The following REV1 variants were observed in gnomAD, a reference collection of about 807,000 sequenced individuals.
REV1 encodes the protein translesion synthesis protein REV1.
In REV1, 42 loss-of-function variants were observed where a neutral mutation model predicts 137.4. That is an observed-to-expected ratio of 0.31 (90% CI 0.24 to 0.40). REV1 has a LOEUF of 0.40. REV1 is among the 10% of genes least tolerant of loss of function. The pLI is 1.00. For missense variants in REV1, 1,282 were observed against 1,490.1 expected (o/e 0.86, Z 2.30); for synonymous variants, 524 against 519.2 (o/e 1.01, Z -0.12).
intron 12 of REV1, among the ~76,000 whole-genome samples, chr2:99,413,843 A>C (rs917694005): frequency 6.6e-5 from 10 of 152,348 alleles, no homozygotes; most frequent in African/African-American, 2.4e-4. Context: ...AGGAAAAGAC[A>C]GCGTTGTGTT....
chr2:99,419,261 G>C (rs1402281486), intron 11 of REV1, among the ~76,000 whole-genome samples: 1 of 143,158 alleles, frequency 7.0e-6, no homozygotes, highest in Non-Finnish European at 1.5e-5. Flanking sequence ...GCCCAAGCTG[G>C]AGTGTAGTGG....
At chr2:99,465,691 T>C (rs113923517) in intron 1 of REV1, among the ~76,000 whole-genome samples, 3 of 152,336 alleles carry the variant, frequency 2.0e-5, no homozygotes, top group African/African-American at 7.2e-5. Flanking sequence ...CAAAGCCTTT[T>C]AACACAAACA....
chr2:99,426,636 G>T (rs1343589368), intron 9 of REV1, among the ~76,000 whole-genome samples: 6 of 152,060 alleles, frequency 3.9e-5, no homozygotes, highest in Non-Finnish European at 8.8e-5. Flanking sequence ...TTGATGGCTG[G>T]GAAATGAGCT....
chr2:99,421,504 C>A lies in REV1; in HGVS notation c.1826G>T (p.Gly609Val). The A allele has an allele frequency of 6.2e-7, 1 of 1,613,390 alleles. No individual in the cohort carries two copies. The highest frequency in any genetic ancestry group is 1.1e-5 in the South Asian group (1 of 90,974). The change falls in exon 11 of 23, where the codon GGA (glycine) becomes GTA (valine). Residue 609 changes from glycine to valine, a missense_variant. Physicochemically the swap from Gly to Val is moderately radical, Grantham distance 109. Around this residue, in one of 7 missense-constraint regions of REV1, gnomAD observed 372 missense variants for 482.3 expected, o/e 0.77. Coordinates refer to ENST00000258428, the MANE Select transcript of REV1 (RefSeq NM_016316.4). ...KDQTKCAASV[G>V]IGSNILLARM... ...AAGATAAGCTAGATACTAACCAATTCCAACAGAGGCAGCACATTTCGTCTG... is the reference window on the plus strand; with the variant it reads ...AAGATAAGCTAGATACTAACCAATTACAACAGAGGCAGCACATTTCGTCTG...
intron 9 of REV1, chr2:99,424,532 A>T: frequency 2.1e-6 from 1 of 472,122 alleles, no homozygotes; most frequent in South Asian, 2.2e-5. Context: ...TGGCTCTTGT[A>T]TCTGAAGCTT....
intron 3 of REV1, among the ~76,000 whole-genome samples, chr2:99,461,503 C>A (rs1014847610): frequency 6.6e-6 from 1 of 152,138 alleles, no homozygotes; most frequent in Non-Finnish European, 1.5e-5. Flanking sequence ...CAAGGGAAAG[C>A]GAGGCATGGA....
chr2:99,488,663 A>G (rs555569767), intron 1 of REV1, among the ~76,000 whole-genome samples: 2 of 152,344 alleles, frequency 1.3e-5, no homozygotes, highest in Admixed American at 1.3e-4. Context: ...TGCACGGGCA[A>G]ACCCAAGAAT....
At chr2:99,459,818 AACT>A (rs1683974676) in intron 3 of REV1, among the ~76,000 whole-genome samples, 1 of 152,196 alleles carries the variant, frequency 6.6e-6, no homozygotes, top group Non-Finnish European at 1.5e-5. Context: ...TTGACAGGTG[AACT>A]ATTAGAGGGT....
intron 8 of REV1, among the ~76,000 whole-genome samples, chr2:99,433,885 A>G (rs923382602): frequency 6.6e-6 from 1 of 152,222 alleles, no homozygotes; most frequent in African/African-American, 2.4e-5. Context: ...GTTATTTCTC[A>G]TAACAGGTTC....
At chr2:99,464,182 C>T (rs1007181178) in intron 2 of REV1, among the ~76,000 whole-genome samples, 2 of 152,138 alleles carry the variant, frequency 1.3e-5, no homozygotes, top group African/African-American at 4.8e-5. Context: ...CTTGACAGAT[C>T]TAGGGATTCA....
chr2:99,423,926 A>T (rs1306386006), intron 10 of REV1, among the ~76,000 whole-genome samples: 1 of 152,244 alleles, frequency 6.6e-6, no homozygotes, highest in Non-Finnish European at 1.5e-5. Flanking sequence ...ACATCAACCA[A>T]GGAAGCACAT....
rs552545099 is a variant in REV1, at chr2:99,464,080, T to G, written c.54+842A>C. On this transcript the variant is annotated intron_variant, in intron 2 of 22. Coordinates refer to ENST00000258428, the MANE Select transcript of REV1 (RefSeq NM_016316.4). ...AATGCTCCAGTGGCTAAATTCTGGATCTAATCAATCTATTTGATAGTAATA... is the reference window on the plus strand; with the variant it reads ...AATGCTCCAGTGGCTAAATTCTGGAGCTAATCAATCTATTTGATAGTAATA... Among the ~76,000 whole-genome samples, 3 of 152,348 alleles carry G rather than the reference T, an allele frequency of 2.0e-5. No homozygotes were observed. In the South Asian group the frequency reaches 6.2e-4, roughly 32 times the overall value.
At position 99,406,385 on chromosome 2, in the gene REV1, C is replaced by T; in HGVS notation, c.2554G>A (p.Val852Ile). ...TTCTGAACTTGGAAGACATCACGGA[C>T]AGAGTATGACCCACTAGGAAAGTGG... ...SSHFPSGSYS[V>I]RDVFQVQKAK... Residue 852 changes from valine (V) to isoleucine (I), a missense_variant, in exon 16 of 23, where the codon GTC becomes ATC. Coordinates refer to ENST00000258428, the MANE Select transcript of REV1 (RefSeq NM_016316.4). The T allele has an allele frequency of 3.7e-6, 6 of 1,613,728 alleles. No individual in the cohort carries two copies. The highest frequency in any genetic ancestry group is 4.2e-6 in the Non-Finnish European group (5 of 1,179,762).
intron 10 of REV1, among the ~76,000 whole-genome samples, chr2:99,423,314 T>C (rs1678920819): frequency 6.6e-6 from 1 of 152,202 alleles, no homozygotes. Flanking sequence ...AGTCTATCTC[T>C]TGGAACATTA....
intron 1 of REV1, among the ~76,000 whole-genome samples, chr2:99,469,061 T>A (rs745784871): frequency 3.3e-5 from 5 of 152,192 alleles, no homozygotes; most frequent in Non-Finnish European, 7.3e-5. Flanking sequence ...TTTCTTCATC[T>A]ATAAAACAAA....
chr2:99,413,232 TTTA>T lies in REV1; in HGVS notation c.1952-284_1952-282del, dbSNP rs1175111194. On this transcript the variant is annotated intron_variant, in intron 12 of 22. Transcript: ENST00000258428. ...TCAAGTTATCAAAAATGTCACTTTC[TTTA>T]TTAGTGAATAATACCAAGATATGTA... is the stretch of plus-strand genomic sequence containing the variant. 2.6e-5 allele frequency among the ~76,000 whole-genome samples: 4 copies of T among 152,240 alleles called. No individual in the cohort carries two copies. In the East Asian group the frequency reaches 7.7e-4, roughly 29 times the overall value.
In REV1 at chr2:99,418,705, A is replaced by G. The variant is rs555172254; in HGVS notation, c.1951+123T>C. 14 of 866,188 alleles carry G rather than the reference A, an allele frequency of 1.6e-5. No individual in the cohort carries two copies. The South Asian group carries it at 1.9e-4, about 12-fold the overall frequency. 53.7% of individuals were successfully genotyped at this position (866,188 alleles called of 1,614,324 possible). On this transcript the variant is annotated intron_variant, in intron 12 of 22. Coordinates refer to ENST00000258428, the MANE Select transcript of REV1 (RefSeq NM_016316.4). The stretch of plus-strand genomic sequence containing the variant: ...CAAATTTTGTTTTTCATGGCACTCA[A>G]TAAGACTTAAAAATTTTTATATTCA...
At chr2:99,437,335 C>T (rs572851543) in intron 6 of REV1, among the ~76,000 whole-genome samples, 1 of 152,192 alleles carries the variant, frequency 6.6e-6, no homozygotes, top group African/African-American at 2.4e-5. Context: ...CATGGACTAT[C>T]TATCACTTCT....
At chr2:99,460,996 T>C (rs980778021) in intron 3 of REV1, among the ~76,000 whole-genome samples, 1 of 142,316 alleles carries the variant, frequency 7.0e-6, no homozygotes, top group Non-Finnish European at 1.5e-5. Context: ...GAGACTTCCA[T>C]GACTGGCTAA....
Sources: gnomAD v4.1 joint callset for allele counts (sites outside exome capture counted in the v4.1 genomes callset) on GRCh38, gnomAD v4.1.1 for gene constraint, gnomAD v4.1.1 regional missense constraint, MANE v1.5 for transcripts, NCBI Gene and HGNC (gene_info 2026-07-23, HGNC 2026-07-21) for gene names.